Variants in GRAMD1B observed in about 807,000 individuals in gnomAD.
The protein encoded by GRAMD1B is protein Aster-B.
Under a neutral mutation model 99.7 loss-of-function variants are expected in GRAMD1B, and 37 were observed. The observed-to-expected ratio is 0.37, with a 90% CI of 0.29 to 0.49. GRAMD1B has a LOEUF of 0.49. Ranked by LOEUF, GRAMD1B falls within the 20% of genes least tolerant of loss-of-function variation. The probability of loss-of-function intolerance (pLI) is 0.98; values close to 1 mark genes in which losing one functional copy is unlikely to be tolerated. For missense variants in GRAMD1B, 888 were observed against 1,009.2 expected (o/e 0.88, Z 1.63); for synonymous variants, 427 against 387.6 (o/e 1.10, Z -1.19).
chr11:123,490,205 C>T (rs1242344889), intron 2 of GRAMD1B, among the ~76,000 whole-genome samples: 1 of 152,060 alleles, frequency 6.6e-6, no homozygotes, highest in Non-Finnish European at 1.5e-5. Context: ...CAAAGTGTAT[C>T]GAAGAAGCTG....
chr11:123,552,679 A>G (rs979603750), intron 2 of GRAMD1B, among the ~76,000 whole-genome samples: 6 of 152,300 alleles, frequency 3.9e-5, no homozygotes, highest in African/African-American at 1.2e-4. Context: ...AAATTTGTCT[A>G]TTTCTCTAGT....
chr11:123,557,025 G>C (rs1946252764), intron 2 of GRAMD1B, among the ~76,000 whole-genome samples: 1 of 152,340 alleles, frequency 6.6e-6, no homozygotes, highest in South Asian at 2.1e-4. Context: ...TGGGGTTTCA[G>C]ATACAGGCTC....
At chr11:123,562,370 G>A (rs1252682576) in intron 2 of GRAMD1B, among the ~76,000 whole-genome samples, 1 of 152,148 alleles carries the variant, frequency 6.6e-6, no homozygotes, top group Admixed American at 6.5e-5. Flanking sequence ...TTAGACCAGA[G>A]GCCAGCAGAC....
intron 2 of GRAMD1B, among the ~76,000 whole-genome samples, chr11:123,556,897 A>T (rs1946237588): frequency 6.6e-6 from 1 of 152,196 alleles, no homozygotes; most frequent in South Asian, 2.1e-4. Flanking sequence ...GAGTGCCTCT[A>T]TGGGAAATTA....
At chr11:123,559,803 C>A in intron 2 of GRAMD1B, 1 of 460,520 alleles carries the variant, frequency 2.2e-6, no homozygotes, top group Non-Finnish European at 2.9e-6. Flanking sequence ...CCTCGGCCAT[C>A]TTTTCTTGCG....
At chr11:123,618,654 C>T (rs1487764365) in intron 17 of GRAMD1B, 39 bp from the exon 18 acceptor site, 1 of 1,141,994 alleles carries the variant, frequency 8.8e-7, no homozygotes, top group East Asian at 2.5e-5. Flanking sequence ...CAGGTGACAT[C>T]TCACTGCTGA....
intron 1 of GRAMD1B, among the ~76,000 whole-genome samples, chr11:123,384,537 T>C (rs560797816): frequency 3.9e-5 from 6 of 152,320 alleles, no homozygotes; most frequent in Admixed American, 2.6e-4. Context: ...AATTGATTAT[T>C]TATTTGACTG....
intron 2 of GRAMD1B, among the ~76,000 whole-genome samples, chr11:123,495,649 G>T (rs890333025): frequency 2.0e-5 from 3 of 149,186 alleles, no homozygotes; most frequent in Admixed American, 2.0e-4. Flanking sequence ...CCAAATAAGT[G>T]AAACCATGCG....
intron 2 of GRAMD1B, among the ~76,000 whole-genome samples, chr11:123,534,797 G>T (rs1279314409): frequency 1.3e-5 from 2 of 152,134 alleles, no homozygotes; most frequent in African/African-American, 4.8e-5. Flanking sequence ...CCCAGAGGTG[G>T]AGGTTGCAGT....
intron 1 of GRAMD1B, among the ~76,000 whole-genome samples, chr11:123,445,114 C>A (rs886947029): frequency 1.2e-4 from 18 of 152,178 alleles, no homozygotes; most frequent in African/African-American, 4.3e-4. Context: ...TACAGGAAGT[C>A]TGTGAAATAA....
At chr11:123,491,304 G>A (rs1938531720) in intron 2 of GRAMD1B, among the ~76,000 whole-genome samples, 1 of 152,146 alleles carries the variant, frequency 6.6e-6, no homozygotes, top group Non-Finnish European at 1.5e-5. Flanking sequence ...TGCTTATTCT[G>A]TTCCAGAAAT....
intron 1 of GRAMD1B, among the ~76,000 whole-genome samples, chr11:123,450,471 C>T (rs1016863991): frequency 1.3e-5 from 2 of 152,152 alleles, no homozygotes; most frequent in Non-Finnish European, 2.9e-5. Flanking sequence ...TAGAGTCTGC[C>T]CTACAGGGGC....
chr11:123,520,776 C>CAAAAAAAAAAAAAA, intron 2 of GRAMD1B, among the ~76,000 whole-genome samples: 1 of 103,702 alleles, frequency 9.6e-6, no homozygotes, highest in Non-Finnish European at 1.9e-5. Flanking sequence ...GAGACCCTGT[C>CAAAAAAAAAAAAAA]AAAAAAAAAA....
chr11:123,560,359 C>T (rs1322142833), intron 2 of GRAMD1B: 1 of 1,174,308 alleles, frequency 8.5e-7, no homozygotes, highest in Non-Finnish European at 1.1e-6. Flanking sequence ...CACGACCACA[C>T]CAAATAACAG....
In GRAMD1B at chr11:123,510,414, G is replaced by A. The variant is rs557547238; in HGVS notation, c.452+29521G>A. 7.9e-5 allele frequency among the ~76,000 whole-genome samples: 12 copies of A among 152,142 alleles called. No homozygotes were observed. Among genetic ancestry groups the A allele is most frequent in the Non-Finnish European group, 1.6e-4 (11 of 68,030 alleles). On this transcript the variant is annotated intron_variant, in intron 2 of 19. Transcript: ENST00000635736. The surrounding 1 kb of genome is among the most constrained non-coding windows in gnomAD (Gnocchi z 4.3). ...GGGAAGAAGTACCAGGCCAGGGGAG[G>A]TGCCCCCTGACTCAGCCTCCTGGGA...
At chr11:123,382,315 A>G (rs1182449782) in intron 1 of GRAMD1B, among the ~76,000 whole-genome samples, 1 of 152,160 alleles carries the variant, frequency 6.6e-6, no homozygotes, top group Non-Finnish European at 1.5e-5. Context: ...CTAACTGTGG[A>G]TTTAGATCTG....
In GRAMD1B at chr11:123,461,264, T is replaced by A. The variant is rs527367340; in HGVS notation, c.375-19552T>A. ...GACTGACTCCAGGTTGGCTCCTAAA[T>A]CAAGCTATGTTGACTTCAGCTGGCA... is the stretch of plus-strand genomic sequence containing the variant. On this transcript the variant is annotated intron_variant, in intron 1 of 19. Coordinates refer to ENST00000635736, the MANE Select transcript of GRAMD1B (RefSeq NM_001387025.1). Among the ~76,000 whole-genome samples the A allele has an allele frequency of 2.0e-5, 3 of 152,346 alleles. No homozygotes were observed. The East Asian group carries it at 5.8e-4, about 29-fold the overall frequency.
At chr11:123,480,505 A>T (rs564896799) in intron 1 of GRAMD1B, among the ~76,000 whole-genome samples, 1 of 152,192 alleles carries the variant, frequency 6.6e-6, no homozygotes, top group East Asian at 1.9e-4. Context: ...GTGGGTAGAG[A>T]GAATGCTGGA....
chr11:123,375,306 C>T (rs1347048039), intron 1 of GRAMD1B, among the ~76,000 whole-genome samples: 1 of 152,136 alleles, frequency 6.6e-6, no homozygotes, highest in Non-Finnish European at 1.5e-5. Flanking sequence ...ACCTGTTAAT[C>T]CCAGCTACTC....
Sources: allele counts gnomAD v4.1 joint callset (sites outside exome capture counted in the v4.1 genomes callset), GRCh38; gene constraint gnomAD v4.1.1; non-coding constraint Gnocchi (gnomAD v3.1); transcripts MANE v1.5; gene names NCBI Gene and HGNC (gene_info 2026-07-23, HGNC 2026-07-21).